TENM3: variants seen among roughly 807,000 people sequenced by gnomAD.
TENM3 encodes teneurin transmembrane protein 3, also known as teneurin-3.
A neutral mutation model predicts 255.1 loss-of-function variants in TENM3; 63 were observed. The ratio of observed to expected loss-of-function variants is 0.25; its 90% CI spans 0.20 to 0.30. TENM3 has a LOEUF of 0.30. TENM3 is among the 10% of genes least tolerant of loss of function. The probability of loss-of-function intolerance (pLI) is 1.00; values close to 1 mark genes in which losing one functional copy is unlikely to be tolerated. For synonymous variants in TENM3, 1,306 were observed against 1,322.3 expected, an observed-to-expected ratio of 0.99 and a Z score of 0.27; for missense variants, 2,929 against 3,461.1, an observed-to-expected ratio of 0.85 and a Z score of 3.86.
chr4:182,516,138 A>G (rs1202779662), intron 3 of TENM3, among the ~76,000 whole-genome samples: 2 of 152,204 alleles, frequency 1.3e-5, no homozygotes, highest in African/African-American at 4.8e-5. Flanking sequence ...TTGTTGTGGG[A>G]GAATGCAGTG....
At chr4:181,499,219 C>T in the TENM3 span, among the ~76,000 whole-genome samples, 1 of 152,160 alleles carries the variant, frequency 6.6e-6, no homozygotes, top group Non-Finnish European at 1.5e-5. Context: ...CAGATGCTTC[C>T]CACGTGACTG....
At chr4:181,480,001 G>A in the TENM3 span, among the ~76,000 whole-genome samples, 2 of 152,014 alleles carry the variant, frequency 1.3e-5, no homozygotes, top group African/African-American at 4.8e-5. Context: ...AACCAGTAAT[G>A]TTAATTTTAT....
At chr4:182,112,506 A>G in the TENM3 span, among the ~76,000 whole-genome samples, 3 of 152,342 alleles carry the variant, frequency 2.0e-5, no homozygotes, top group Admixed American at 2.0e-4. Context: ...GGGTCTTCAC[A>G]GAGAAAGTAA....
the TENM3 span, among the ~76,000 whole-genome samples, chr4:181,693,572 C>A: frequency 6.6e-6 from 1 of 152,136 alleles, no homozygotes; most frequent in African/African-American, 2.4e-5. Context: ...TATTTTTGCT[C>A]TCAGCGGGAG....
At chr4:182,271,573 T>C (rs1368695768) in intron 1 of TENM3, among the ~76,000 whole-genome samples, 1 of 152,176 alleles carries the variant, frequency 6.6e-6, no homozygotes, top group Admixed American at 6.5e-5. Context: ...AGGAGGACAC[T>C]GGGAGAGAAA....
chr4:182,736,071 C>T (rs1229519143), intron 16 of TENM3, among the ~76,000 whole-genome samples: 6 of 152,092 alleles, frequency 3.9e-5, no homozygotes, highest in Non-Finnish European at 8.8e-5. Flanking sequence ...TTGTATGGAG[C>T]TTTAAAATAT....
At chr4:182,240,199 T>C (rs944643538), upstream of TENM3, among the ~76,000 whole-genome samples, 6 of 151,880 alleles carry the variant, frequency 4.0e-5, no homozygotes, top group African/African-American at 1.5e-4. Context: ...AGAGCGAGAG[T>C]CAGAGCCTAT....
At chr4:182,271,459 G>A (rs886463012) in intron 1 of TENM3, among the ~76,000 whole-genome samples, 3 of 152,128 alleles carry the variant, frequency 2.0e-5, no homozygotes, top group Non-Finnish European at 4.4e-5. Flanking sequence ...GGAGGCGCAG[G>A]ACATCAGGAA....
the TENM3 span, among the ~76,000 whole-genome samples, chr4:181,788,047 G>A: frequency 6.6e-6 from 1 of 152,048 alleles, no homozygotes; most frequent in Non-Finnish European, 1.5e-5. Flanking sequence ...ACTTACCCAC[G>A]GCTTCTTGGG....
chr4:182,180,546 C>A lies in TENM3; in HGVS notation c.-76+35792C>A, dbSNP rs73871811. The stretch of plus-strand genomic sequence containing the variant: ...TTAATTTAGATGAGTTTCATAAAGT[C>A]ATTCTATATGAGTAAATGGCCAGGC... On this transcript the variant is annotated intron_variant, in intron 1 of 2. Transcript: ENST00000512480. Among the ~76,000 whole-genome samples the A allele has an allele frequency of 3.4e-3, 512 of 151,892 alleles. 2 individuals are homozygous for A. The highest frequency in any genetic ancestry group is 0.012 in the African/African-American group (496 of 41,448).
At chr4:182,040,763 T>C in the TENM3 span, among the ~76,000 whole-genome samples, 3 of 152,206 alleles carry the variant, frequency 2.0e-5, no homozygotes, top group Non-Finnish European at 4.4e-5. Flanking sequence ...CTAAAAGTAA[T>C]TTCTTACTCC....
chr4:181,784,160 G>GTTT, the TENM3 span, among the ~76,000 whole-genome samples: 35 of 148,032 alleles, frequency 2.4e-4, no homozygotes, highest in Admixed American at 4.0e-4. Flanking sequence ...CGAGTCATCT[G>GTTT]TTTTTTTTTT....
At chr4:181,574,209 G>A in the TENM3 span, among the ~76,000 whole-genome samples, 1 of 152,180 alleles carries the variant, frequency 6.6e-6, no homozygotes, top group Admixed American at 6.5e-5. Flanking sequence ...TGGCTATCAA[G>A]GAAGAAAAAC....
chr4:182,523,874 A>G (rs1190240836), intron 3 of TENM3, among the ~76,000 whole-genome samples: 1 of 152,198 alleles, frequency 6.6e-6, no homozygotes, highest in Admixed American at 6.6e-5. Context: ...TAGAAACAAT[A>G]CATTTTACTT....
At chr4:182,574,243 C>T (rs13119749) in intron 3 of TENM3, among the ~76,000 whole-genome samples, 63,980 of 151,848 alleles carry the variant, frequency 0.42, 15,800 homozygotes, top group Non-Finnish European at 0.54. Context: ...AATTGAATAC[C>T]GTAGCGTGTG....
rs531668779 is a variant in TENM3 at position 182,318,670 on chromosome 4, G to GT, written c.-75-5274dup. ...CTGTGGTTTCCAGAGGAGTGCTATG[G>GT]TTAGTAGCTGAGTTGCGTTTCAAGG... is the stretch of plus-strand genomic sequence containing the variant. On this transcript the variant is annotated intron_variant, in intron 1 of 27. Transcript: ENST00000511685. 1.9e-3 allele frequency among the ~76,000 whole-genome samples: 296 copies of GT among 152,298 alleles called. 1 individual carries two copies. The highest frequency in any genetic ancestry group is 3.3e-3 in the Non-Finnish European group (223 of 68,032).
At chr4:182,583,333 C>CTGTGTG (rs3073440) in intron 3 of TENM3, among the ~76,000 whole-genome samples, 6,243 of 143,432 alleles carry the variant, frequency 0.044, 184 homozygotes, top group African/African-American at 0.076. Flanking sequence ...GCTTAAACCT[C>CTGTGTG]TGTGTGTGTG....
chr4:182,370,138 A>G (rs1766706925), intron 3 of TENM3, among the ~76,000 whole-genome samples: 1 of 152,194 alleles, frequency 6.6e-6, no homozygotes, highest in Admixed American at 6.5e-5. Context: ...ATTTCTCTCA[A>G]GGGAGGAAAG....
At chr4:182,141,747 T>C (rs980151982), upstream of TENM3, 10 of 152,248 alleles carry the variant, frequency 6.6e-5, no homozygotes, top group South Asian at 1.2e-3. Flanking sequence ...CAAGATTTAT[T>C]ACCATTTCTA....
Sources: allele counts gnomAD v4.1 joint callset (sites outside exome capture counted in the v4.1 genomes callset), GRCh38; gene constraint gnomAD v4.1.1; transcripts MANE v1.5; gene names NCBI Gene and HGNC (gene_info 2026-07-23, HGNC 2026-07-21).